Variants in ATP8B1 observed in about 807,000 individuals in gnomAD.
ATP8B1 encodes the protein ATPase phospholipid transporting 8B1, also known as phospholipid-transporting ATPase IC.
In ATP8B1, 80 loss-of-function variants were observed where a neutral mutation model predicts 149.9. That is an observed-to-expected ratio of 0.53 (90% CI 0.45 to 0.64). The LOEUF is 0.64. ATP8B1 is among the 30% of genes least tolerant of loss of function. The pLI is 0.00. For missense variants in ATP8B1, 1,247 were observed against 1,552.6 expected, an observed-to-expected ratio of 0.80 and a Z score of 3.31; for synonymous variants, 536 against 562.8, an observed-to-expected ratio of 0.95 and a Z score of 0.67.
At chr18:57,773,610 T>C (rs538799496) in intron 1 of ATP8B1, among the ~76,000 whole-genome samples, 2 of 152,328 alleles carry the variant, frequency 1.3e-5, no homozygotes, top group East Asian at 3.9e-4. Flanking sequence ...CAAAGGAAGC[T>C]AAATTTCAAA....
intron 27 of ATP8B1, among the ~76,000 whole-genome samples, chr18:57,648,992 G>A (rs1909408473): frequency 6.6e-6 from 1 of 151,972 alleles, no homozygotes; most frequent in Non-Finnish European, 1.5e-5. Context: ...CTGCCTCCCA[G>A]GTTCAAGCGA....
At position 57,800,265 on chromosome 18, in the gene ATP8B1, CAGG is replaced by C. The variant is rs199499664; in HGVS notation, c.-26+2730_-26+2732del. On this transcript the variant is annotated intron_variant, in intron 1 of 27. Coordinates refer to ENST00000648908, the MANE Select transcript of ATP8B1 (RefSeq NM_001374385.1). ...ATCCCAGCACTTTGGGAGGCCAAGG[CAGG>C]AGGATTGCTTGAGGCCAGGAGTTTT... is the stretch of plus-strand genomic sequence containing the variant. Among the ~76,000 whole-genome samples, 1,124 of 152,210 alleles carry C rather than the reference CAGG, an allele frequency of 7.4e-3. 7 individuals carry two copies. The highest frequency in any genetic ancestry group is 0.01 in the Non-Finnish European group (698 of 68,020).
At chr18:57,700,786 T>C (rs1047909797) in intron 6 of ATP8B1, among the ~76,000 whole-genome samples, 3 of 152,122 alleles carry the variant, frequency 2.0e-5, no homozygotes, top group Non-Finnish European at 4.4e-5. Flanking sequence ...AGCATGGTGG[T>C]GCACGCCTGT....
At chr18:57,666,295 C>T (rs1200176752) in intron 20 of ATP8B1, among the ~76,000 whole-genome samples, 1 of 152,148 alleles carries the variant, frequency 6.6e-6, no homozygotes, top group Non-Finnish European at 1.5e-5. Context: ...AACGTTTCAG[C>T]ATATGCTAAC....
At position 57,799,019 on chromosome 18, in the gene ATP8B1, A is replaced by G. The variant is rs2080547032; in HGVS notation, c.-26+3979T>C. On this transcript the variant is annotated intron_variant, in intron 1 of 27. Transcript: ENST00000648908. ...TTTACAAAGTCATAGCAACAACACA[A>G]CAATGTATTAACGACTACCTTTTAC... is the stretch of plus-strand genomic sequence containing the variant. Among the ~76,000 whole-genome samples, 3 of 152,272 alleles carry G rather than the reference A, an allele frequency of 2.0e-5. No individual in the cohort carries two copies. The South Asian group carries it at 6.2e-4, about 32-fold the overall frequency.
intron 15 of ATP8B1, among the ~76,000 whole-genome samples, chr18:57,677,062 G>C (rs1911641849): frequency 6.6e-6 from 1 of 152,136 alleles, no homozygotes; most frequent in Non-Finnish European, 1.5e-5. Context: ...CTCACAGCCA[G>C]ATACACAAAA....
At chr18:57,670,771 ATC>A (rs1377404141) in intron 17 of ATP8B1, among the ~76,000 whole-genome samples, 1 of 151,952 alleles carries the variant, frequency 6.6e-6, no homozygotes, top group East Asian at 1.9e-4. Context: ...CAATGGTACG[ATC>A]TCGGCTCACT....
chr18:57,727,036 C>T (rs987515432), intron 2 of ATP8B1, among the ~76,000 whole-genome samples: 1 of 152,216 alleles, frequency 6.6e-6, no homozygotes, highest in South Asian at 2.1e-4. Flanking sequence ...GCTGAGATCA[C>T]GCCACTTCAC....
intron 2 of ATP8B1, among the ~76,000 whole-genome samples, chr18:57,717,579 A>C (rs2079595634): frequency 7.0e-6 from 1 of 142,048 alleles, no homozygotes; most frequent in African/African-American, 2.7e-5. Context: ...AAAAAAAAAA[A>C]AAAAAAAAAG....
Position 57,744,041 on chromosome 18 carries a change from G to A in ATP8B1, c.-25-12209C>T, listed in dbSNP as rs990384454. Among the ~76,000 whole-genome samples, 6 of 152,196 alleles carry A rather than the reference G, an allele frequency of 3.9e-5. No homozygotes were observed. In the East Asian group the frequency reaches 7.7e-4, roughly 20 times the overall value. ...GAAGAAATACAGGCCTGGGCCGAAC[G>A]CGGTGGCTCACACCTGTAATCCTAA... is the stretch of plus-strand genomic sequence containing the variant. On this transcript the variant is annotated intron_variant, in intron 1 of 27. Transcript: ENST00000648908.
At chr18:57,672,932 A>AAC (rs1555690212) in intron 16 of ATP8B1, among the ~76,000 whole-genome samples, 1 of 32,100 alleles carries the variant, frequency 3.1e-5, no homozygotes, top group Non-Finnish European at 6.0e-5. Flanking sequence ...ATATATATAT[A>AAC]ACATGTATAT....
intron 12 of ATP8B1, 147 bp from the exon 13 acceptor site, chr18:57,688,654 T>C (rs1912381682): frequency 3.6e-6 from 3 of 829,696 alleles, no homozygotes; most frequent in Non-Finnish European, 5.9e-6. Flanking sequence ...ATTCATATGT[T>C]GAAACCCAAT....
intron 1 of ATP8B1, among the ~76,000 whole-genome samples, chr18:57,794,603 C>G (rs911733744): frequency 6.6e-6 from 1 of 151,922 alleles, no homozygotes; most frequent in African/African-American, 2.4e-5. Context: ...AAGAGTCACC[C>G]ATAGCACAGA....
Position 57,701,043 on chromosome 18 carries a change from C to T in ATP8B1, c.550G>A (p.Gly184Ser), listed in dbSNP as rs1568202260. ...GTTACTAATTAGACACAGTACCTGCCATCCTTAATGACTTCACACGTCCTA... is the reference window on the plus strand; with the variant it reads ...GTTACTAATTAGACACAGTACCTGCTATCCTTAATGACTTCACACGTCCTA... ...NNRTCEVIKD[G>S]RFKVAKWKEI... The change falls in exon 6 of 28, where the codon GGC becomes AGC. Residue 184 changes from glycine to serine, a missense_variant. Physicochemically the swap from Gly to Ser is moderately conservative, Grantham distance 56. Around this residue, in one of 3 missense-constraint regions of ATP8B1, gnomAD observed 853 missense variants for 1,035.7 expected, o/e 0.82. Transcript: ENST00000648908. 1.2e-6 allele frequency: 2 copies of T among 1,613,836 alleles called. No homozygotes were observed. The highest frequency in any genetic ancestry group is 3.3e-5 in the Admixed American group (2 of 60,020).
intron 2 of ATP8B1, among the ~76,000 whole-genome samples, chr18:57,724,181 T>C (rs1200375915): frequency 1.4e-5 from 2 of 148,128 alleles, no homozygotes; most frequent in Non-Finnish European, 3.0e-5. Context: ...ATTCAGGACA[T>C]AGGCATGGGC....
rs139663323 is a variant in ATP8B1 at position 57,670,572 on chromosome 18, G to A, written c.1932+896C>T. On this transcript the variant is annotated intron_variant, in intron 17 of 27. Transcript: ENST00000648908. ...TCACCATGTTGGCCAGGATGGTCTC[G>A]ATCTGTTAACCTCGTGATCTGCCAC... 1.4e-3 allele frequency among the ~76,000 whole-genome samples: 210 copies of A among 151,758 alleles called. 1 individual carries two copies. The highest frequency in any genetic ancestry group is 4.5e-3 in the African/African-American group (185 of 41,408).
chr18:57,655,668 C>T (rs915302421), intron 22 of ATP8B1, among the ~76,000 whole-genome samples: 13 of 152,180 alleles, frequency 8.5e-5, no homozygotes, highest in Non-Finnish European at 1.6e-4. Flanking sequence ...ATGTGGGTGA[C>T]GAATTCCATT....
chr18:57,700,929 C>T, intron 6 of ATP8B1, 110 bp downstream of exon 6: 1 of 1,194,990 alleles, frequency 8.4e-7, no homozygotes, highest in South Asian at 1.2e-5. Context: ...AAAAAATAAA[C>T]AGTTAATGTA....
chr18:57,791,985 A>G (rs2663853), intron 1 of ATP8B1, among the ~76,000 whole-genome samples: 55,970 of 152,118 alleles, frequency 0.37, 12,950 homozygotes, highest in African/African-American at 0.65. Context: ...GTGGGTATTT[A>G]ATAAGTAATT....
Sources: gnomAD v4.1 joint callset for allele counts (sites outside exome capture counted in the v4.1 genomes callset) on GRCh38, gnomAD v4.1.1 for gene constraint, gnomAD v4.1.1 regional missense constraint, MANE v1.5 for transcripts, NCBI Gene and HGNC (gene_info 2026-07-23, HGNC 2026-07-21) for gene names.